The following NRXN3 variants were observed in gnomAD, a reference collection of about 807,000 sequenced individuals.
The protein encoded by NRXN3 is neurexin III.
NRXN3 carries 32 observed loss-of-function variants against 137.6 expected under a neutral mutation model. The ratio of observed to expected loss-of-function variants is 0.23; its 90% confidence interval spans 0.18 to 0.31. The LOEUF is 0.31. Among genes scored for constraint, NRXN3 ranks in the 10% least tolerant of loss-of-function variants. NRXN3 has a pLI of 1.00. For missense variants in NRXN3, 1,574 were observed against 2,062.5 expected (o/e 0.76, Z 4.59); for synonymous variants, 798 against 784.5 (o/e 1.02, Z -0.29).
At chr14:79,034,717 G>A (rs1203007036) in intron 15 of NRXN3, among the ~76,000 whole-genome samples, 1 of 152,040 alleles carries the variant, frequency 6.6e-6, no homozygotes, top group Non-Finnish European at 1.5e-5. Context: ...TGGGGTTTAA[G>A]AGTACATTTT....
At chr14:78,903,333 G>T (rs994055578) in intron 10 of NRXN3, among the ~76,000 whole-genome samples, 1 of 151,608 alleles carries the variant, frequency 6.6e-6, no homozygotes, top group African/African-American at 2.4e-5. Context: ...GTAGAGATAG[G>T]GTTTCGCCAC....
chr14:79,434,548 A>G (rs1283656885), intron 15 of NRXN3, among the ~76,000 whole-genome samples: 1 of 152,216 alleles, frequency 6.6e-6, no homozygotes, highest in Non-Finnish European at 1.5e-5. Flanking sequence ...ACAAAAACTC[A>G]TGTCAGTGGT....
At chr14:79,067,661 T>C (rs1470498080) in intron 15 of NRXN3, among the ~76,000 whole-genome samples, 1 of 152,036 alleles carries the variant, frequency 6.6e-6, no homozygotes, top group Non-Finnish European at 1.5e-5. Context: ...ATTCAGGGAT[T>C]CAGTATTTTT....
At chr14:78,726,239 G>A (rs759528097) in intron 8 of NRXN3, among the ~76,000 whole-genome samples, 4 of 151,876 alleles carry the variant, frequency 2.6e-5, no homozygotes, top group Admixed American at 6.6e-5. Flanking sequence ...TGTGCAGAAC[G>A]TGCAGTTTTT....
At chr14:78,987,653 G>A (rs1343105354) in intron 14 of NRXN3, among the ~76,000 whole-genome samples, 1 of 151,648 alleles carries the variant, frequency 6.6e-6, no homozygotes, top group Non-Finnish European at 1.5e-5. Context: ...TAAGAATCAT[G>A]GGAATGATTT....
intron 10 of NRXN3, among the ~76,000 whole-genome samples, chr14:78,839,040 CCTCATATAGCTTAATTGTTAGTG>C (rs2099004879): frequency 6.6e-6 from 1 of 151,970 alleles, no homozygotes; most frequent in African/African-American, 2.4e-5. Context: ...CTTTCTCTTC[CCTCATATAGCTTAATTGTTAGTG>C]CTAGAGACAG....
At chr14:79,168,761 A>G (rs934941128) in intron 15 of NRXN3, among the ~76,000 whole-genome samples, 2 of 152,016 alleles carry the variant, frequency 1.3e-5, no homozygotes, top group African/African-American at 4.8e-5. Flanking sequence ...TTCAAAAGTC[A>G]GTTCCAAGTC....
intron 8 of NRXN3, among the ~76,000 whole-genome samples, chr14:78,715,828 C>A (rs1449957161): frequency 4.0e-5 from 6 of 151,762 alleles, no homozygotes; most frequent in Non-Finnish European, 7.4e-5. Context: ...GGTTCTCGAG[C>A]ATTTAATGTT....
At chr14:79,827,080 G>A (rs535878155) in intron 20 of NRXN3, among the ~76,000 whole-genome samples, 25 of 152,314 alleles carry the variant, frequency 1.6e-4, no homozygotes, top group Non-Finnish European at 2.8e-4. Flanking sequence ...CACTGAGGAT[G>A]CAAGAGTAAG....
At chr14:78,332,471 G>A (rs751267616) in intron 4 of NRXN3, among the ~76,000 whole-genome samples, 14 of 151,692 alleles carry the variant, frequency 9.2e-5, no homozygotes, top group Non-Finnish European at 1.8e-4. Context: ...GTGCGCTACC[G>A]CACCTGGCTA....
At chr14:78,569,175 G>A (rs553953979) in intron 4 of NRXN3, among the ~76,000 whole-genome samples, 1 of 151,802 alleles carries the variant, frequency 6.6e-6, no homozygotes, top group East Asian at 1.9e-4. Flanking sequence ...CACCGTGTTA[G>A]CCAGGATGGT....
Position 78,188,750 on chromosome 14 carries a change from C to A in NRXN3, c.-704+18076C>A, listed in dbSNP as rs1566933103. 3.3e-5 allele frequency among the ~76,000 whole-genome samples: 5 copies of A among 152,162 alleles called. No individual in the cohort carries two copies. The South Asian group carries it at 1.0e-3, about 32-fold the overall frequency. On this transcript the variant is annotated intron_variant, in intron 1 of 20. Transcript: ENST00000335750. The stretch of plus-strand genomic sequence containing the variant: ...CAAACTTGGGCAAGTAATTTCCCTT[C>A]TCAGAGTCTCAGATTTGTCATTTAC...
chr14:79,191,116 C>T (rs1024770102), intron 15 of NRXN3, among the ~76,000 whole-genome samples: 2 of 152,136 alleles, frequency 1.3e-5, no homozygotes, highest in Non-Finnish European at 2.9e-5. Flanking sequence ...GCCTGAGTAT[C>T]AGCAGGACTG....
chr14:79,081,963 C>T (rs1162123063), intron 15 of NRXN3, among the ~76,000 whole-genome samples: 1 of 151,756 alleles, frequency 6.6e-6, no homozygotes, highest in African/African-American at 2.4e-5. Flanking sequence ...ATAATAGATC[C>T]AAAGAATTCT....
chr14:79,131,847 C>T (rs535557247), intron 15 of NRXN3, among the ~76,000 whole-genome samples: 1 of 152,242 alleles, frequency 6.6e-6, no homozygotes, highest in Admixed American at 6.5e-5. Flanking sequence ...GGGCGTAGGA[C>T]CCTCTGAGCC....
At chr14:79,497,517 C>T (rs2096778986) in intron 16 of NRXN3, among the ~76,000 whole-genome samples, 1 of 152,078 alleles carries the variant, frequency 6.6e-6, no homozygotes, top group South Asian at 2.1e-4. Context: ...GTTCCTTCTC[C>T]CTTACCCTGC....
chr14:79,054,706 A>T (rs977659684), intron 15 of NRXN3, among the ~76,000 whole-genome samples: 8 of 152,200 alleles, frequency 5.3e-5, no homozygotes, highest in Admixed American at 3.9e-4. Flanking sequence ...TATAGAGCCA[A>T]TGCCACTTAC....
At chr14:79,650,327 G>A (rs537194363) in intron 16 of NRXN3, among the ~76,000 whole-genome samples, 3 of 152,226 alleles carry the variant, frequency 2.0e-5, no homozygotes, top group East Asian at 3.9e-4. Context: ...ATATGGGAAC[G>A]TTCCTTCATT....
chr14:78,684,969 C>G (rs2098113048), intron 6 of NRXN3, among the ~76,000 whole-genome samples: 1 of 152,056 alleles, frequency 6.6e-6, no homozygotes, highest in Non-Finnish European at 1.5e-5. Flanking sequence ...CTTGTTTGTG[C>G]CTAATGTATG....
Sources: allele counts gnomAD v4.1 joint callset (sites outside exome capture counted in the v4.1 genomes callset), GRCh38; gene constraint gnomAD v4.1.1; transcripts MANE v1.5; gene names NCBI Gene and HGNC (gene_info 2026-07-23, HGNC 2026-07-21).